The following VPS53 variants were observed in gnomAD, a reference collection of about 807,000 sequenced individuals.
The protein encoded by VPS53 is VPS53 subunit of GARP complex.
A neutral mutation model predicts 107.0 loss-of-function variants in VPS53; 70 were observed. That is an observed-to-expected ratio of 0.65 (90% CI 0.54 to 0.80). The LOEUF (loss-of-function observed/expected upper bound fraction) is 0.80, where lower values mean the gene tolerates loss of function less well. VPS53 is among the 30% of genes least tolerant of loss of function. The probability of loss-of-function intolerance (pLI) is 0.00; values close to 1 mark genes in which losing one functional copy is unlikely to be tolerated. For synonymous variants in VPS53, 409 were observed against 393.3 expected (o/e 1.04, Z -0.47); for missense variants, 917 against 1,049.4 (o/e 0.87, Z 1.74).
chr17:579,734 C>T (rs1159124455), intron 13 of VPS53, among the ~76,000 whole-genome samples: 1 of 145,950 alleles, frequency 6.9e-6, no homozygotes, highest in African/African-American at 2.6e-5. Context: ...CTCAGAGAAC[C>T]TCCCTCAGAA....
chr17:580,973 G>A (rs181449554), intron 13 of VPS53, among the ~76,000 whole-genome samples: 2 of 151,068 alleles, frequency 1.3e-5, no homozygotes, highest in East Asian at 2.0e-4. Context: ...AACCTAATGC[G>A]TTCCCAGATA....
At chr17:657,831 G>A (rs999749333) in intron 5 of VPS53, among the ~76,000 whole-genome samples, 4 of 151,966 alleles carry the variant, frequency 2.6e-5, no homozygotes, top group Admixed American at 6.6e-5. Flanking sequence ...CGTTGAGGTC[G>A]TGGATAGATA....
chr17:612,543 TCACA>T (rs1968938069), intron 11 of VPS53, among the ~76,000 whole-genome samples: 1 of 141,058 alleles, frequency 7.1e-6, no homozygotes, highest in Non-Finnish European at 1.5e-5. Flanking sequence ...CATAGTGAGT[TCACA>T]CAGTGAAAAC....
intron 1 of VPS53, among the ~76,000 whole-genome samples, chr17:710,911 C>T (rs950518748): frequency 6.6e-6 from 1 of 152,144 alleles, no homozygotes; most frequent in Non-Finnish European, 1.5e-5. Flanking sequence ...CACCACTACA[C>T]TCCAGTCTGG....
chr17:648,924 A>T (rs1475413545), intron 7 of VPS53, among the ~76,000 whole-genome samples: 3 of 125,508 alleles, frequency 2.4e-5, no homozygotes, highest in Admixed American at 7.7e-5. Context: ...AGAGGAATGG[A>T]ACAGGCACTG....
At chr17:657,689 A>T in intron 5 of VPS53, 1 of 549,486 alleles carries the variant, frequency 1.8e-6, no homozygotes, top group South Asian at 2.2e-5. Context: ...TACTGTAGTC[A>T]CTGGATAGAT....
chr17:662,469 C>G (rs1971474018), intron 4 of VPS53, among the ~76,000 whole-genome samples: 1 of 151,996 alleles, frequency 6.6e-6, no homozygotes, highest in Non-Finnish European at 1.5e-5. Flanking sequence ...GCGGGCAGAT[C>G]ACGAGGTCAG....
At chr17:670,596 T>TTGGGCTG (rs1340645983) in intron 4 of VPS53, among the ~76,000 whole-genome samples, 2 of 152,200 alleles carry the variant, frequency 1.3e-5, no homozygotes, top group Admixed American at 6.5e-5. Flanking sequence ...GGGGCTCTGA[T>TTGGGCTG]TCATTGGCAG....
intron 11 of VPS53, among the ~76,000 whole-genome samples, chr17:623,125 G>T (rs1479281453): frequency 1.3e-5 from 2 of 152,138 alleles, no homozygotes; most frequent in African/African-American, 2.4e-5. Flanking sequence ...TGGCTTTGGG[G>T]TTTACAGAGA....
At position 657,183 on chromosome 17, in the gene VPS53, T is replaced by C. The variant is rs2111913; in HGVS notation, c.373-1230A>G. On this transcript the variant is annotated intron_variant, in intron 5 of 21. Transcript: ENST00000437048. ...CATGAGTCACCAGATGAGGGATTCC[T>C]TTTGTGCCCACAAAGATTTTTCTCA... 3.7e-3 allele frequency: 5,640 copies of C among 1,527,716 alleles called. 182 individuals are homozygous for C. The African/African-American group carries it at 0.069, about 19-fold the overall frequency. 94.6% of individuals were successfully genotyped at this position (1,527,716 alleles called of 1,614,324 possible).
chr17:678,907 G>A (rs996850907), intron 4 of VPS53, among the ~76,000 whole-genome samples: 20 of 143,132 alleles, frequency 1.4e-4, no homozygotes, highest in Admixed American at 1.1e-3. Context: ...CCAAAGTGCC[G>A]GGATGACAGG....
At chr17:542,970 T>A (rs1910819820) in intron 17 of VPS53, among the ~76,000 whole-genome samples, 1 of 139,644 alleles carries the variant, frequency 7.2e-6, no homozygotes, top group Non-Finnish European at 1.5e-5. Flanking sequence ...AGAGCGAGAC[T>A]CTGTCAAAAA....
At chr17:635,175 T>C (rs1045056969) in intron 7 of VPS53, among the ~76,000 whole-genome samples, 8 of 152,254 alleles carry the variant, frequency 5.3e-5, no homozygotes, top group African/African-American at 1.4e-4. Context: ...CATGTGTCTG[T>C]TGGCTGCATA....
At chr17:697,557 AAAGT>A in intron 3 of VPS53, 73 bp from the exon 4 acceptor site, 1 of 1,288,806 alleles carries the variant, frequency 7.8e-7, no homozygotes, top group Non-Finnish European at 1.1e-6. Flanking sequence ...AAAAAAGTAA[AAAGT>A]AATTTATTCA....
At chr17:589,306 C>A (rs1052831013) in intron 12 of VPS53, among the ~76,000 whole-genome samples, 1 of 151,730 alleles carries the variant, frequency 6.6e-6, no homozygotes, top group Non-Finnish European at 1.5e-5. Flanking sequence ...AATATTTTAT[C>A]ACTTTAAAAT....
intron 17 of VPS53, among the ~76,000 whole-genome samples, chr17:548,856 A>G (rs1200479704): frequency 6.6e-6 from 1 of 152,222 alleles, no homozygotes; most frequent in Non-Finnish European, 1.5e-5. Flanking sequence ...GAACTGCCCT[A>G]CTAATCACAA....
At chr17:613,210 T>C (rs1309771166) in intron 11 of VPS53, among the ~76,000 whole-genome samples, 5 of 149,018 alleles carry the variant, frequency 3.4e-5, no homozygotes, top group Non-Finnish European at 4.5e-5. Flanking sequence ...AATATTCACA[T>C]AGTGAGTTCA....
chr17:641,384 C>G (rs1317911285), intron 7 of VPS53, among the ~76,000 whole-genome samples: 1 of 152,242 alleles, frequency 6.6e-6, no homozygotes, highest in African/African-American at 2.4e-5. Context: ...ACTCCTTCCT[C>G]TTCTAACCAT....
At chr17:670,427 C>A (rs758944013) in intron 4 of VPS53, among the ~76,000 whole-genome samples, 3 of 152,240 alleles carry the variant, frequency 2.0e-5, no homozygotes, top group Non-Finnish European at 4.4e-5. Flanking sequence ...ACTCTGAATT[C>A]TCCTTGCCTC....
Sources: gnomAD v4.1 joint callset for allele counts (sites outside exome capture counted in the v4.1 genomes callset) on GRCh38, gnomAD v4.1.1 for gene constraint, MANE v1.5 for transcripts, NCBI Gene and HGNC (gene_info 2026-07-23, HGNC 2026-07-21) for gene names.